CELF2: variants seen among roughly 807,000 people sequenced by gnomAD.
The protein encoded by CELF2 is CUGBP Elav-like family member 2.
Under a neutral mutation model 62.6 loss-of-function variants are expected in CELF2, and 8 were observed. The observed-to-expected ratio is 0.13, with a 90% CI of 0.07 to 0.23. CELF2 has a LOEUF of 0.23. Among genes scored for constraint, CELF2 ranks in the 10% least tolerant of loss-of-function variants. The pLI is 1.00. For missense variants in CELF2, 333 were observed against 671.0 expected (o/e 0.50, Z 5.56); for synonymous variants, 258 against 250.0 (o/e 1.03, Z -0.30).
At chr10:10,720,475 A>G in the CELF2 span, among the ~76,000 whole-genome samples, 2 of 152,122 alleles carry the variant, frequency 1.3e-5, no homozygotes, top group Non-Finnish European at 2.9e-5. Flanking sequence ...TAGATATGAG[A>G]CCCCTTCCCT....
Position 11,046,162 on chromosome 10 carries a change from C to G in CELF2, c.74+27999C>G, listed in dbSNP as rs759534765. Among the ~76,000 whole-genome samples the G allele has an allele frequency of 2.0e-5, 3 of 152,328 alleles. No homozygotes were observed. In the South Asian group the frequency reaches 6.2e-4, roughly 32 times the overall value. On this transcript the variant is annotated intron_variant, in intron 1 of 12. Transcript: ENST00000633077. The surrounding 1 kb of genome is among the most constrained non-coding windows in gnomAD (Gnocchi z 4.6). Reference sequence around the variant, plus strand: ...TTCCTGCCTCCCCAACCGGGCTGCACGCCAGCGGTTCTCAAAATCACGGCA... The same window carrying G: ...TTCCTGCCTCCCCAACCGGGCTGCAGGCCAGCGGTTCTCAAAATCACGGCA...
chr10:10,713,467 G>T, the CELF2 span, among the ~76,000 whole-genome samples: 1 of 152,194 alleles, frequency 6.6e-6, no homozygotes, highest in African/African-American at 2.4e-5. Flanking sequence ...GTTACATGCT[G>T]CTGAGTAAGG....
At chr10:10,480,111 T>G in the CELF2 span, among the ~76,000 whole-genome samples, 1,940 of 152,280 alleles carry the variant, frequency 0.013, 40 homozygotes, top group African/African-American at 0.045. Context: ...GGTTCTTTCT[T>G]CACCACATAG....
At chr10:11,084,276 G>A (rs2074823173) in intron 1 of CELF2, among the ~76,000 whole-genome samples, 1 of 152,242 alleles carries the variant, frequency 6.6e-6, no homozygotes, top group African/African-American at 2.4e-5. Context: ...CGGCTCTTGT[G>A]TTCAGGGTCT....
intron 2 of CELF2, among the ~76,000 whole-genome samples, chr10:11,186,296 C>CTTTTTTTTTTTTTTT (rs57327671): frequency 5.2e-5 from 6 of 115,500 alleles, no homozygotes; most frequent in Admixed American, 8.8e-5. Flanking sequence ...GGTTTTGTTG[C>CTTTTTTTTTTTTTTT]TTTTTTTTTT....
chr10:10,904,533 C>G (rs568832054), intron 1 of CELF2, among the ~76,000 whole-genome samples: 85 of 152,324 alleles, frequency 5.6e-4, no homozygotes, highest in Admixed American at 1.2e-3. Flanking sequence ...GTCCAACCCT[C>G]TCTATATTAA....
chr10:10,841,692 T>G (rs2058696745), intron 1 of CELF2, among the ~76,000 whole-genome samples: 1 of 152,282 alleles, frequency 6.6e-6, no homozygotes, highest in South Asian at 2.1e-4. Context: ...AGTCTTGAAT[T>G]TGGGTAGTGT....
the CELF2 span, among the ~76,000 whole-genome samples, chr10:10,605,568 C>T: frequency 3.3e-5 from 5 of 152,222 alleles, no homozygotes; most frequent in South Asian, 4.1e-4. Flanking sequence ...AATCAGAGTG[C>T]GTGGTTGAAC....
At chr10:11,252,916 T>C (rs1277884286) in intron 4 of CELF2, among the ~76,000 whole-genome samples, 1 of 152,182 alleles carries the variant, frequency 6.6e-6, no homozygotes, top group Admixed American at 6.5e-5. Context: ...CAGGCAGGGC[T>C]TTTGAGGAGG....
Position 11,203,198 on chromosome 10 carries a change from G to A in CELF2, c.272-14227G>A, listed in dbSNP as rs193236682. Among the ~76,000 whole-genome samples, 239 of 152,208 alleles carry A rather than the reference G, an allele frequency of 1.6e-3. 1 individual carries two copies. The highest frequency in any genetic ancestry group is 3.4e-3 in the Middle Eastern group (1 of 294). ...AGCATGGGAACAATTGATGGGCGGC[G>A]TGCTCTTCCTCAGACAAAACCCAGT... is the stretch of plus-strand genomic sequence containing the variant. On this transcript the variant is annotated intron_variant, in intron 2 of 12. Transcript: ENST00000633077.
chr10:10,666,585 G>A, the CELF2 span, among the ~76,000 whole-genome samples: 13 of 137,148 alleles, frequency 9.5e-5, 3 homozygotes, highest in Middle Eastern at 3.6e-3. Context: ...GAAAGAGGCC[G>A]GGCGCGGTGG....
chr10:11,015,632 AT>A (rs1399862424), upstream of CELF2, among the ~76,000 whole-genome samples: 1 of 152,232 alleles, frequency 6.6e-6, no homozygotes, highest in East Asian at 1.9e-4. The surrounding 1 kb of genome is among the most constrained non-coding windows in gnomAD (Gnocchi z 4.8). Context: ...AGCAAATGTG[AT>A]TTGAAAACTA....
chr10:11,198,929 C>T (rs2058591299), intron 2 of CELF2, among the ~76,000 whole-genome samples: 1 of 152,194 alleles, frequency 6.6e-6, no homozygotes, highest in South Asian at 2.1e-4. Flanking sequence ...TGTCTTCAAA[C>T]TGTAAGTAGA....
intron 1 of CELF2, among the ~76,000 whole-genome samples, chr10:10,807,548 C>T (rs538754439): frequency 6.6e-6 from 1 of 151,870 alleles, no homozygotes; most frequent in Non-Finnish European, 1.5e-5. Context: ...AATAAGAATA[C>T]CCAAGAACAA....
At chr10:10,959,535 G>A (rs139559221) in intron 2 of CELF2, among the ~76,000 whole-genome samples, 1 of 152,330 alleles carries the variant, frequency 6.6e-6, no homozygotes, top group East Asian at 1.9e-4. Flanking sequence ...AAGGGAGAAT[G>A]ATAAGGTTTC....
chr10:10,512,401 CTTTTTTTTTTT>C, the CELF2 span, among the ~76,000 whole-genome samples: 2 of 109,178 alleles, frequency 1.8e-5, no homozygotes, highest in Non-Finnish European at 3.7e-5. Context: ...TTTTGGAACG[CTTTTTTTTTTT>C]TTTTTTTTTT....
rs1182794903 is a variant in CELF2, at chr10:10,938,755, C to T, written c.89+18756C>T. On this transcript the variant is annotated intron_variant, in intron 2 of 13. Coordinates refer to the CELF2 transcript ENST00000636488. This position sits in a 1 kb window ranked among gnomAD's most constrained non-coding sequence, Gnocchi z 4.2. ...ACAGGAATGGGGGAGGTCAGCAAAGCCTGAGTGTAGGTGGGTTAGTGCCTG... is the reference window on the plus strand; with the variant it reads ...ACAGGAATGGGGGAGGTCAGCAAAGTCTGAGTGTAGGTGGGTTAGTGCCTG... 6.6e-6 allele frequency among the ~76,000 whole-genome samples: 1 copy of T among 152,140 alleles called. No individual in the cohort carries two copies. The highest frequency in any genetic ancestry group is 1.5e-5 in the Non-Finnish European group (1 of 68,022).
At position 10,983,426 on chromosome 10, in the gene CELF2, A is replaced by G. The variant is rs936100009; in HGVS notation, c.89+63427A>G. 6.6e-6 allele frequency among the ~76,000 whole-genome samples: 1 copy of G among 152,220 alleles called. No homozygotes were observed. The highest frequency in any genetic ancestry group is 1.5e-5 in the Non-Finnish European group (1 of 68,048). On this transcript the variant is annotated intron_variant, in intron 2 of 13. Transcript: ENST00000636488. The surrounding 1 kb of genome is among the most constrained non-coding windows in gnomAD (Gnocchi z 5.2). ...ATTAAAAAATAAAATTATCTTTGAG[A>G]AGCAAAGAGTAAACACATATATAAC...
chr10:11,156,515 T>G lies in CELF2; in HGVS notation c.75-8971T>G, dbSNP rs1370051710. ...ATTTGTCTCTGTCAAAACGGTCTTTTTAATCGATAAGGCTTACTTATTTGC... is the reference window on the plus strand; with the variant it reads ...ATTTGTCTCTGTCAAAACGGTCTTTGTAATCGATAAGGCTTACTTATTTGC... On this transcript the variant is annotated intron_variant, in intron 1 of 12. Coordinates refer to ENST00000633077, the MANE Select transcript of CELF2 (RefSeq NM_001326342.2). This position sits in a 1 kb window ranked among gnomAD's most constrained non-coding sequence, Gnocchi z 4.3. Among the ~76,000 whole-genome samples the G allele has an allele frequency of 3.3e-5, 5 of 152,210 alleles. No individual in the cohort carries two copies. Among genetic ancestry groups the G allele is most frequent in the Non-Finnish European group, 7.3e-5 (5 of 68,040 alleles).
Sources: gnomAD v4.1 joint callset for allele counts (sites outside exome capture counted in the v4.1 genomes callset) on GRCh38, gnomAD v4.1.1 for gene constraint, Gnocchi (gnomAD v3.1) non-coding constraint, MANE v1.5 for transcripts, NCBI Gene and HGNC (gene_info 2026-07-23, HGNC 2026-07-21) for gene names.